The following FBXL17 variants were observed in gnomAD, a reference collection of about 807,000 sequenced individuals.
The protein encoded by FBXL17 is F-box/LRR-repeat protein 17.
A neutral mutation model predicts 66.2 loss-of-function variants in FBXL17; 22 were observed. The observed-to-expected ratio is 0.33, with a 90% CI of 0.24 to 0.47. FBXL17 has a LOEUF of 0.47. Ranked by LOEUF, FBXL17 falls within the 20% of genes least tolerant of loss-of-function variation. FBXL17 has a pLI of 1.00. For synonymous variants in FBXL17, 474 were observed against 400.5 expected (o/e 1.18, Z -2.19); for missense variants, 878 against 948.2 (o/e 0.93, Z 0.97).
intron 7 of FBXL17, among the ~76,000 whole-genome samples, chr5:107,952,242 G>A (rs1348958647): frequency 2.6e-5 from 4 of 152,090 alleles, no homozygotes; most frequent in Non-Finnish European, 5.9e-5. Flanking sequence ...GTATTCTTCT[G>A]TAATGATCCT....
At chr5:108,016,382 C>T (rs1360897387) in intron 7 of FBXL17, among the ~76,000 whole-genome samples, 2 of 152,142 alleles carry the variant, frequency 1.3e-5, no homozygotes, top group Non-Finnish European at 2.9e-5. Flanking sequence ...ACAACAGTGT[C>T]AGTATTTGAG....
chr5:108,241,139 T>A (rs2150100534), intron 4 of FBXL17, among the ~76,000 whole-genome samples: 1 of 152,176 alleles, frequency 6.6e-6, no homozygotes, highest in South Asian at 2.1e-4. Context: ...AATATGACAT[T>A]ACCAAACAAA....
chr5:108,327,232 C>T (rs186048158), intron 4 of FBXL17, among the ~76,000 whole-genome samples: 16 of 152,268 alleles, frequency 1.1e-4, no homozygotes, highest in Non-Finnish European at 1.9e-4. Context: ...CAGACTTAGA[C>T]TAAGGTTGAC....
intron 7 of FBXL17, among the ~76,000 whole-genome samples, chr5:107,887,315 C>G (rs1561518360): frequency 6.6e-6 from 1 of 152,148 alleles, no homozygotes; most frequent in Non-Finnish European, 1.5e-5. Context: ...CACAATGGAA[C>G]CTCGGATATA....
In FBXL17 at chr5:108,171,560, T is replaced by C. The variant is rs150313781; in HGVS notation, c.1745+14557A>G. Reference sequence around the variant, plus strand: ...CTGACTTAATATAAAATTCCCCACATAGGGCAGCTACAAAGTCAGTATCTT... The same window carrying C: ...CTGACTTAATATAAAATTCCCCACACAGGGCAGCTACAAAGTCAGTATCTT... On this transcript the variant is annotated intron_variant, in intron 6 of 8. Coordinates refer to ENST00000542267, the MANE Select transcript of FBXL17 (RefSeq NM_001163315.3). Among the ~76,000 whole-genome samples the C allele has an allele frequency of 4.5e-3, 688 of 152,302 alleles. 5 individuals carry two copies. The highest frequency in any genetic ancestry group is 0.016 in the African/African-American group (657 of 41,572).
At chr5:108,001,842 TA>T (rs11361605) in intron 7 of FBXL17, among the ~76,000 whole-genome samples, 27,031 of 146,422 alleles carry the variant, frequency 0.18, 6,722 homozygotes, top group African/African-American at 0.56. Context: ...ATCTCAAAAT[TA>T]AAAAAAAAAA....
At chr5:108,262,467 C>T (rs2150127477) in intron 4 of FBXL17, among the ~76,000 whole-genome samples, 1 of 152,054 alleles carries the variant, frequency 6.6e-6, no homozygotes, top group South Asian at 2.1e-4. Flanking sequence ...TTGAATATGC[C>T]AAAAATTATG....
intron 4 of FBXL17, among the ~76,000 whole-genome samples, chr5:108,333,148 G>A (rs1580834902): frequency 7.3e-6 from 1 of 136,562 alleles, no homozygotes; most frequent in African/African-American, 3.0e-5. Context: ...AGAAATACCA[G>A]TATATATATA....
intron 7 of FBXL17, among the ~76,000 whole-genome samples, chr5:107,999,291 T>G (rs973988722): frequency 6.6e-6 from 1 of 152,188 alleles, no homozygotes; most frequent in South Asian, 2.1e-4. Flanking sequence ...AAATACCTGT[T>G]GACTGAGAGC....
At chr5:108,096,521 T>C (rs1004512112) in intron 6 of FBXL17, among the ~76,000 whole-genome samples, 2 of 152,148 alleles carry the variant, frequency 1.3e-5, no homozygotes, top group African/African-American at 4.8e-5. Context: ...CAAGGGAAAG[T>C]GTAATGGGAC....
At chr5:108,116,991 A>G (rs1189859043) in intron 6 of FBXL17, among the ~76,000 whole-genome samples, 1 of 152,196 alleles carries the variant, frequency 6.6e-6, no homozygotes, top group Non-Finnish European at 1.5e-5. Flanking sequence ...TTCATTTGTT[A>G]TTTCAAGTGT....
intron 2 of FBXL17, among the ~76,000 whole-genome samples, chr5:108,365,853 AG>A (rs1748625869): frequency 6.6e-6 from 1 of 152,112 alleles, no homozygotes; most frequent in Admixed American, 6.6e-5. Context: ...AAGTGGTATC[AG>A]AAAACACCAA....
chr5:108,148,776 T>A (rs17449723), intron 6 of FBXL17, among the ~76,000 whole-genome samples: 2 of 152,118 alleles, frequency 1.3e-5, no homozygotes, highest in Non-Finnish European at 2.9e-5. Flanking sequence ...TCAGGCCAAG[T>A]GATTTCATCC....
chr5:108,233,217 T>C (rs1458760067), intron 4 of FBXL17, among the ~76,000 whole-genome samples: 1 of 152,146 alleles, frequency 6.6e-6, no homozygotes, highest in Admixed American at 6.5e-5. Context: ...TTTAATTTTC[T>C]TAATGGTGTT....
chr5:107,900,763 T>C lies in FBXL17; in HGVS notation c.1823-19584A>G, dbSNP rs532329395. Among the ~76,000 whole-genome samples the C allele has an allele frequency of 5.9e-5, 9 of 152,302 alleles. No homozygotes were observed. The South Asian group carries it at 1.9e-3, about 32-fold the overall frequency. On this transcript the variant is annotated intron_variant, in intron 7 of 8. Transcript: ENST00000542267. ...AGTTTGAATTTATTGAAGCTCCTAA[T>C]ATAGTAAAATCTACTGAATTTTAGG...
At chr5:108,269,551 T>C (rs1460399124) in intron 4 of FBXL17, among the ~76,000 whole-genome samples, 4 of 152,022 alleles carry the variant, frequency 2.6e-5, no homozygotes, top group African/African-American at 9.7e-5. Context: ...TTCCACATGA[T>C]CATAAAACTG....
intron 4 of FBXL17, among the ~76,000 whole-genome samples, chr5:108,329,350 C>A (rs1760010034): frequency 6.6e-6 from 1 of 152,144 alleles, no homozygotes; most frequent in African/African-American, 2.4e-5. Flanking sequence ...GACAACTATA[C>A]TTCTTTAATA....
chr5:107,997,333 A>T (rs1753518691), intron 7 of FBXL17, among the ~76,000 whole-genome samples: 1 of 152,152 alleles, frequency 6.6e-6, no homozygotes, highest in East Asian at 1.9e-4. Flanking sequence ...ATCCTAACTT[A>T]TATGTAAAAT....
chr5:108,058,811 T>C (rs1747812743), intron 6 of FBXL17, among the ~76,000 whole-genome samples: 1 of 152,200 alleles, frequency 6.6e-6, no homozygotes, highest in African/African-American at 2.4e-5. Context: ...GAGGTACTTC[T>C]ACAGAAGTTG....
Sources: allele counts gnomAD v4.1 joint callset (sites outside exome capture counted in the v4.1 genomes callset), GRCh38; gene constraint gnomAD v4.1.1; transcripts MANE v1.5; gene names NCBI Gene and HGNC (gene_info 2026-07-23, HGNC 2026-07-21).